The following ANO2 variants were observed in gnomAD, a reference collection of about 807,000 sequenced individuals.
ANO2 encodes the protein anoctamin 2.
ANO2 carries 101 observed loss-of-function variants against 124.2 expected under a neutral mutation model. The ratio of observed to expected loss-of-function variants is 0.81; its 90% CI spans 0.69 to 0.96. ANO2 has a LOEUF of 0.96. Among genes scored for constraint, ANO2 ranks in the 40% least tolerant of loss-of-function variants. ANO2 has a pLI of 0.00. For synonymous variants in ANO2, 486 were observed against 482.5 expected, an observed-to-expected ratio of 1.01 and a Z score of -0.09; for missense variants, 1,293 against 1,274.5, an observed-to-expected ratio of 1.01 and a Z score of -0.22.
intron 23 of ANO2, among the ~76,000 whole-genome samples, chr12:5,573,504 C>T (rs1435998785): frequency 6.6e-6 from 1 of 152,206 alleles, no homozygotes; most frequent in Non-Finnish European, 1.5e-5. Flanking sequence ...CTAGATGCTA[C>T]TGGAAAGGCC....
chr12:5,841,805 T>C (rs1486670802), intron 4 of ANO2, among the ~76,000 whole-genome samples: 1 of 152,244 alleles, frequency 6.6e-6, no homozygotes, highest in Admixed American at 6.5e-5. Flanking sequence ...GATTCTCCTC[T>C]GGTTGGCTCT....
chr12:5,827,221 C>G (rs1246083754), intron 7 of ANO2, among the ~76,000 whole-genome samples: 1 of 152,128 alleles, frequency 6.6e-6, no homozygotes, highest in African/African-American at 2.4e-5. Flanking sequence ...GACAATTACC[C>G]TAATATTTAA....
chr12:5,791,306 AG>A (rs1952687791), intron 10 of ANO2, among the ~76,000 whole-genome samples: 1 of 152,186 alleles, frequency 6.6e-6, no homozygotes, highest in Admixed American at 6.5e-5. Flanking sequence ...GAAAAAAAAA[AG>A]ATCATAAAAA....
At chr12:5,627,643 CTT>C (rs1945482866) in intron 16 of ANO2, among the ~76,000 whole-genome samples, 1 of 152,250 alleles carries the variant, frequency 6.6e-6, no homozygotes, top group Admixed American at 6.5e-5. Context: ...AAATATTCTT[CTT>C]TAAAGAATGT....
chr12:5,721,200 C>T (rs1420101772), intron 14 of ANO2, among the ~76,000 whole-genome samples: 1 of 152,170 alleles, frequency 6.6e-6, no homozygotes, highest in Non-Finnish European at 1.5e-5. Flanking sequence ...CACTCACATA[C>T]ACACGTGTGC....
chr12:5,836,579 A>C (rs1321378900), intron 4 of ANO2, among the ~76,000 whole-genome samples: 1 of 152,212 alleles, frequency 6.6e-6, no homozygotes, highest in African/African-American at 2.4e-5. Context: ...CACTGCTCTT[A>C]GGAAAAAGAC....
At chr12:5,785,524 T>TCCAC (rs1952515188) in intron 10 of ANO2, among the ~76,000 whole-genome samples, 1 of 152,156 alleles carries the variant, frequency 6.6e-6, no homozygotes, top group Non-Finnish European at 1.5e-5. Flanking sequence ...TCACTCACTG[T>TCCAC]CCACCTGTAG....
intron 14 of ANO2, among the ~76,000 whole-genome samples, chr12:5,716,943 A>G (rs1440626109): frequency 6.6e-6 from 1 of 152,252 alleles, no homozygotes; most frequent in Non-Finnish European, 1.5e-5. Context: ...ACCAAGCATA[A>G]ATGAAACCAT....
At chr12:5,571,937 C>T (rs991882199) in intron 23 of ANO2, among the ~76,000 whole-genome samples, 3 of 152,112 alleles carry the variant, frequency 2.0e-5, no homozygotes, top group African/African-American at 7.2e-5. Context: ...CAGAGCACAC[C>T]TATTTGACAT....
chr12:5,933,498 ATGGG>A (rs890022090), intron 1 of ANO2, among the ~76,000 whole-genome samples: 3 of 152,122 alleles, frequency 2.0e-5, no homozygotes, highest in African/African-American at 7.2e-5. Flanking sequence ...GGATAAATGG[ATGGG>A]TGGGTGGGTG....
At chr12:5,936,500 C>CA (rs1942658626) in intron 1 of ANO2, among the ~76,000 whole-genome samples, 1 of 152,088 alleles carries the variant, frequency 6.6e-6, no homozygotes. Context: ...AGTAAGGACA[C>CA]AAAAACAAAG....
chr12:5,854,187 T>C, intron 3 of ANO2, 46 bp from the exon 4 acceptor site: 2 of 1,532,604 alleles, frequency 1.3e-6, no homozygotes, highest in Non-Finnish European at 1.8e-6. Flanking sequence ...TGTAAGGACA[T>C]AGCTTAAACT....
intron 14 of ANO2, among the ~76,000 whole-genome samples, chr12:5,694,775 A>G (rs1160279549): frequency 6.6e-6 from 1 of 152,016 alleles, no homozygotes; most frequent in Non-Finnish European, 1.5e-5. Flanking sequence ...AACTAGCATT[A>G]ATTTTCATGT....
rs761143540 is a variant in ANO2, at chr12:5,908,064, G to A, written c.534+12976C>T. Among the ~76,000 whole-genome samples the A allele has an allele frequency of 2.4e-4, 36 of 152,358 alleles. No homozygotes were observed. The highest frequency in any genetic ancestry group is 4.1e-4 in the South Asian group (2 of 4,826). On this transcript the variant is annotated intron_variant, in intron 3 of 24. Transcript: ENST00000682330. This position sits in a 1 kb window ranked among gnomAD's most constrained non-coding sequence, Gnocchi z 4.7. ...AAACTCGTAACCACGCACGGGCAGC[G>A]TGTGCAGGGAGCCAGCAGCAAACCC...
intron 4 of ANO2, among the ~76,000 whole-genome samples, chr12:5,847,357 C>G (rs1954714311): frequency 6.6e-6 from 1 of 152,128 alleles, no homozygotes; most frequent in African/African-American, 2.4e-5. Flanking sequence ...ACTACACCAT[C>G]AGCTCTCCTG....
intron 4 of ANO2, among the ~76,000 whole-genome samples, chr12:5,845,931 T>C (rs1267931810): frequency 6.6e-6 from 1 of 152,256 alleles, no homozygotes; most frequent in East Asian, 1.9e-4. Flanking sequence ...CAGTATTAAC[T>C]ATATTTAAAA....
At chr12:5,649,232 C>T (rs1228009563) in intron 14 of ANO2, among the ~76,000 whole-genome samples, 1 of 152,096 alleles carries the variant, frequency 6.6e-6, no homozygotes, top group Non-Finnish European at 1.5e-5. Context: ...TGGAACTGAG[C>T]GATGGGTCGA....
Position 5,732,526 on chromosome 12 carries a change from G to A in ANO2, c.1539C>T (p.Gly513=), listed in dbSNP as rs564635984. ...QKLETNTTEC[G]DEDDEDKLTW... ...AGCAAGTCCAGCTTCATACCTCATC[G>A]CCACACTCCGTCGTGTTTGTTTCCA... is the stretch of plus-strand genomic sequence containing the variant. The change falls in exon 14 of 25, where the codon GGC becomes GGT. Residue 513 remains glycine (G), a synonymous_variant. Transcript: ENST00000682330. 2.9e-5 allele frequency: 47 copies of A among 1,612,154 alleles called. No homozygotes were observed. In the South Asian group the frequency reaches 3.0e-4, roughly 10 times the overall value.
chr12:5,857,609 T>C, intron 3 of ANO2, among the ~76,000 whole-genome samples: 2 of 152,206 alleles, frequency 1.3e-5, no homozygotes, highest in Non-Finnish European at 2.9e-5. Flanking sequence ...TGATTTGCAT[T>C]CCTCGATGAT....
Sources: gnomAD v4.1 joint callset for allele counts (sites outside exome capture counted in the v4.1 genomes callset) on GRCh38, gnomAD v4.1.1 for gene constraint, Gnocchi (gnomAD v3.1) non-coding constraint, MANE v1.5 for transcripts, NCBI Gene and HGNC (gene_info 2026-07-23, HGNC 2026-07-21) for gene names.